Variants in SNX15 observed in about 807,000 individuals in gnomAD.
SNX15 encodes the protein sorting nexin-15.
A neutral mutation model predicts 35.2 loss-of-function variants in SNX15; 29 were observed. That is an observed-to-expected ratio of 0.82 (90% CI 0.61 to 1.12). The LOEUF is 1.12. Among genes scored for constraint, SNX15 ranks in the 50% most tolerant of loss-of-function variants. The probability of loss-of-function intolerance (pLI) is 0.00; values close to 1 mark genes in which losing one functional copy is unlikely to be tolerated. For synonymous variants in SNX15, 189 were observed against 188.2 expected (o/e 1.00, Z -0.03); for missense variants, 400 against 451.5 (o/e 0.89, Z 1.03).
chr11:65,032,569 G>A lies in SNX15; in HGVS notation c.256+18G>A. On this transcript the variant is annotated intron_variant, in intron 3 of 7. Transcript: ENST00000377244. ...GGTGTTTGGTGAGTGTTAGATTGGG[G>A]CACTCGGGCCAAAGATGGAGGGAGC... 2 of 1,613,922 alleles carry A rather than the reference G, an allele frequency of 1.2e-6. No homozygotes were observed. Among genetic ancestry groups the A allele is most frequent in the Non-Finnish European group, 1.7e-6 (2 of 1,179,990 alleles).
chr11:65,033,244 A>C (rs1946460899), intron 3 of SNX15, among the ~76,000 whole-genome samples: 1 of 151,972 alleles, frequency 6.6e-6, no homozygotes, highest in Admixed American at 6.6e-5. Flanking sequence ...GGTTAAATAA[A>C]ATATTAAAAT....
In SNX15 at chr11:65,040,039, T is replaced by C. The variant is rs1177561177; in HGVS notation, c.*247T>C. ...TTTTTTGAGTTGGAGTCTCGCTGTG[T>C]CGCCCAGACTGGAGTGCAGTGGTGG... On this transcript the variant is annotated 3_prime_UTR_variant, in exon 8 of 8. Coordinates refer to ENST00000377244, the MANE Select transcript of SNX15 (RefSeq NM_013306.5). 7.0e-6 allele frequency: 3 copies of C among 427,828 alleles called. No individual in the cohort carries two copies. The highest frequency in any genetic ancestry group is 4.3e-6 in the Non-Finnish European group (1 of 232,050). The allele number at this position is 427,828 out of a possible 1,614,324, so 26.5% of individuals were successfully genotyped here. A position where few individuals can be genotyped will look rare whatever the true frequency, so the allele number is the denominator to read the frequency against.
At chr11:65,030,226 T>C (rs1200467014) in intron 1 of SNX15, among the ~76,000 whole-genome samples, 1 of 151,504 alleles carries the variant, frequency 6.6e-6, no homozygotes, top group Non-Finnish European at 1.5e-5. Flanking sequence ...ATGGTGGCGC[T>C]CACCTGTAGT....
intron 1 of SNX15, among the ~76,000 whole-genome samples, chr11:65,028,132 G>C (rs79668718): frequency 6.6e-6 from 1 of 152,142 alleles, no homozygotes; most frequent in South Asian, 2.1e-4. Flanking sequence ...GCCATATCAA[G>C]GTCACAGCAG....
At chr11:65,038,182 T>G in intron 6 of SNX15, 1 of 771,160 alleles carries the variant, frequency 1.3e-6, no homozygotes, top group South Asian at 5.9e-5. Context: ...TCTAAGATTA[T>G]TCCAAGTCTT....
chr11:65,037,506 C>A (rs1043287182), intron 6 of SNX15: 1 of 152,280 alleles, frequency 6.6e-6, no homozygotes, highest in Admixed American at 6.5e-5. Context: ...GCATGAGTGA[C>A]TGTGTCCAGC....
chr11:65,034,793 A>C, intron 3 of SNX15, 54 bp from the exon 4 acceptor site: 3 of 1,423,054 alleles, frequency 2.1e-6, no homozygotes, highest in Non-Finnish European at 2.9e-6. Context: ...CTTGGGGCAG[A>C]AGCCCCTGTG....
chr11:65,027,510 GCGCTC>G lies in SNX15; in HGVS notation c.-16_-12del, dbSNP rs761997851. Reference sequence around the variant, plus strand: ...GGGGACGGCGAGGAGGTGGAGGCCGGCGCTCCGCTCCGCTCCAGCTCGGTTTCATG... The same window carrying G: ...GGGGACGGCGAGGAGGTGGAGGCCGGCGCTCCGCTCCAGCTCGGTTTCATG... On this transcript the variant is annotated 5_prime_UTR_variant, in exon 1 of 8. Transcript: ENST00000377244. The G allele has an allele frequency of 6.3e-6, 10 of 1,599,240 alleles. No individual in the cohort carries two copies. Among genetic ancestry groups the G allele is most frequent in the Admixed American group, 3.3e-5 (2 of 59,962 alleles).
intron 6 of SNX15, 110 bp downstream of exon 6, chr11:65,035,773 G>A (rs974017859): frequency 6.6e-6 from 8 of 1,203,832 alleles, no homozygotes; most frequent in East Asian, 2.5e-5. Flanking sequence ...AGGGAGAGAC[G>A]TCTCCTCAGC....
In SNX15 at chr11:65,039,831, C is replaced by A; in HGVS notation, c.*39C>A. ...ATTCCCTGGGACTCTCGCTCCTGCA[C>A]TGCCAGCCCCTTCTCCTCTCCCCAG... On this transcript the variant is annotated 3_prime_UTR_variant, in exon 8 of 8. Transcript: ENST00000377244. 1 of 1,375,216 alleles carries A rather than the reference C, an allele frequency of 7.3e-7. No individual in the cohort carries two copies. The highest frequency in any genetic ancestry group is 1.0e-6 in the Non-Finnish European group (1 of 976,852). The allele number at this position is 1,375,216 out of a possible 1,614,324, so 85.2% of individuals were successfully genotyped here.
Position 65,038,823 on chromosome 11 carries a change from G to A in SNX15, c.916G>A (p.Val306Ile). ...CGGCGTGCACGTCTTGCTTCAGGGA[G>A]TCCCCAGTGAGTAGGGACTGAGGGT... ...RDGVHVLLQGVPSDPLPARQE... is the reference protein window; with the variant it reads ...RDGVHVLLQGIPSDPLPARQE... The change falls in exon 7 of 8, where the codon GTC becomes ATC. Residue 306 changes from valine to isoleucine, a missense_variant. Val to Ile is a conservative substitution (Grantham distance 29). Transcript: ENST00000377244. The A allele has an allele frequency of 6.3e-7, 1 of 1,581,460 alleles. No individual in the cohort carries two copies.
intron 1 of SNX15, 81 bp downstream of exon 1, chr11:65,027,717 A>C (rs936562594): frequency 1.9e-6 from 2 of 1,032,946 alleles, no homozygotes; most frequent in East Asian, 4.9e-5. Flanking sequence ...CGGTGCAGCC[A>C]CTGCTCCCTT....
In SNX15 at chr11:65,038,662, G is replaced by A; in HGVS notation, c.755G>A (p.Gly252Glu). The change falls in exon 7 of 8, where the codon GGA becomes GAA. Residue 252 changes from glycine (G) to glutamate (E), a missense_variant. By Grantham distance (98) the Gly-to-Glu change is moderately conservative. Coordinates refer to ENST00000377244, the MANE Select transcript of SNX15 (RefSeq NM_013306.5). Reference protein sequence around the residue: ...ARLDQEPWEPGGQEEEEDGEG... With the variant: ...ARLDQEPWEPEGQEEEEDGEG... ...CTGGACCAGGAACCCTGGGAGCCAG[G>A]AGGGCAGGAGGAGGAAGAGGATGGG... The A allele has an allele frequency of 1.2e-6, 2 of 1,612,868 alleles. No homozygotes were observed. Among genetic ancestry groups the A allele is most frequent in the Non-Finnish European group, 1.7e-6 (2 of 1,179,538 alleles).
At chr11:65,028,207 A>G (rs1946396983) in intron 1 of SNX15, among the ~76,000 whole-genome samples, 1 of 152,230 alleles carries the variant, frequency 6.6e-6, no homozygotes, top group South Asian at 2.1e-4. Context: ...ATTTATAGAG[A>G]GACATGGAGG....
chr11:65,031,604 A>G (rs1946440115), intron 1 of SNX15, among the ~76,000 whole-genome samples: 1 of 152,164 alleles, frequency 6.6e-6, no homozygotes, highest in Non-Finnish European at 1.5e-5. Context: ...CTGTTCAAGG[A>G]ACTGGGATAA....
chr11:65,039,253 T>A (rs1946546036), intron 7 of SNX15, among the ~76,000 whole-genome samples: 1 of 151,434 alleles, frequency 6.6e-6, no homozygotes. Context: ...AGACAGAGTC[T>A]CGCTCTGTCG....
chr11:65,029,126 T>TAAATAAATAAATAAAA (rs1452453193), intron 1 of SNX15, among the ~76,000 whole-genome samples: 26 of 135,256 alleles, frequency 1.9e-4, no homozygotes, highest in African/African-American at 2.4e-4. Flanking sequence ...AATAAATAAA[T>TAAATAAATAAATAAAA]AAAAATAAGT....
chr11:65,028,137 C>A (rs1206431493), intron 1 of SNX15, among the ~76,000 whole-genome samples: 1 of 152,126 alleles, frequency 6.6e-6, no homozygotes, highest in Non-Finnish European at 1.5e-5. Context: ...ATCAAGGTCA[C>A]AGCAGGAAGA....
rs917100648 is a variant in SNX15 at position 65,038,448 on chromosome 11, G to A, written c.665-124G>A. 70 of 1,301,896 alleles carry A rather than the reference G, an allele frequency of 5.4e-5. No homozygotes were observed. The Middle Eastern group carries it at 1.1e-3, about 21-fold the overall frequency. 80.6% of individuals were successfully genotyped at this position (1,301,896 alleles called of 1,614,324 possible). ...CCACAGACGACTTCTGGATTGCTCT[G>A]GCATTGGTCCCCTCTACTGGGGACA... On this transcript the variant is annotated intron_variant, in intron 6 of 7. Coordinates refer to ENST00000377244, the MANE Select transcript of SNX15 (RefSeq NM_013306.5).
Sources: allele counts gnomAD v4.1 joint callset (sites outside exome capture counted in the v4.1 genomes callset), GRCh38; gene constraint gnomAD v4.1.1; transcripts MANE v1.5; gene names NCBI Gene and HGNC (gene_info 2026-07-23, HGNC 2026-07-21).